The following GRK5 variants were observed in gnomAD, a reference collection of about 807,000 sequenced individuals.
The protein encoded by GRK5 is g protein-coupled receptor kinase GRK5.
A neutral mutation model predicts 78.4 loss-of-function variants in GRK5; 40 were observed. The ratio of observed to expected loss-of-function variants is 0.51; its 90% CI spans 0.40 to 0.66. The LOEUF is 0.66. GRK5 is among the 30% of genes least tolerant of loss of function. The probability of loss-of-function intolerance (pLI) is 0.00; values close to 1 mark genes in which losing one functional copy is unlikely to be tolerated. For synonymous variants in GRK5, 289 were observed against 296.8 expected, an observed-to-expected ratio of 0.97 and a Z score of 0.27; for missense variants, 598 against 759.9, an observed-to-expected ratio of 0.79 and a Z score of 2.50.
Position 119,412,420 on chromosome 10 carries a change from A to C in GRK5, c.340-10746A>C, listed in dbSNP as rs1018376429. Among the ~76,000 whole-genome samples the C allele has an allele frequency of 1.3e-5, 2 of 152,150 alleles. No individual in the cohort carries two copies. The highest frequency in any genetic ancestry group is 6.5e-5 in the Admixed American group (1 of 15,284). On this transcript the variant is annotated intron_variant, in intron 4 of 15. Transcript: ENST00000392870. The surrounding 1 kb of genome is among the most constrained non-coding windows in gnomAD (Gnocchi z 4.3). ...GGGCCGAGGGCTGCTGGATGTTGGC[A>C]TCAGGCCCAGGGTGGAGGGAGGGAC...
intron 6 of GRK5, among the ~76,000 whole-genome samples, chr10:119,428,357 C>T (rs1295896213): frequency 6.6e-6 from 1 of 152,228 alleles, no homozygotes; most frequent in Non-Finnish European, 1.5e-5. Flanking sequence ...ATTATAGAAG[C>T]CCCCATGTGT....
intron 1 of GRK5, among the ~76,000 whole-genome samples, chr10:119,243,870 C>A (rs1424793337): frequency 1.3e-5 from 2 of 152,188 alleles, no homozygotes; most frequent in East Asian, 3.8e-4. Flanking sequence ...ACTTCTCTGC[C>A]TGAGTGGTAG....
intron 1 of GRK5, among the ~76,000 whole-genome samples, chr10:119,255,697 G>T (rs955859830): frequency 5.3e-5 from 8 of 152,214 alleles, no homozygotes; most frequent in African/African-American, 1.2e-4. Context: ...CCCTGTCCTG[G>T]TGTGTTTTCT....
intron 2 of GRK5, among the ~76,000 whole-genome samples, chr10:119,357,818 C>T (rs1371405280): frequency 1.4e-5 from 2 of 145,408 alleles, no homozygotes; most frequent in East Asian, 4.5e-4. Context: ...TGGTCTTCTC[C>T]AACATTAGCC....
intron 1 of GRK5, among the ~76,000 whole-genome samples, chr10:119,322,196 C>T (rs1239885048): frequency 1.3e-5 from 2 of 152,148 alleles, no homozygotes; most frequent in Non-Finnish European, 2.9e-5. Context: ...CAAGCAATCC[C>T]CCCATCTTGG....
chr10:119,376,373 T>G (rs1851621020), intron 2 of GRK5, among the ~76,000 whole-genome samples: 1 of 152,132 alleles, frequency 6.6e-6, no homozygotes, highest in African/African-American at 2.4e-5. Context: ...CCCACCCACA[T>G]ATCCCCACGT....
chr10:119,225,444 C>A (rs574699156), intron 1 of GRK5, among the ~76,000 whole-genome samples: 2 of 152,096 alleles, frequency 1.3e-5, no homozygotes, highest in African/African-American at 4.8e-5. Flanking sequence ...GTATTACCTA[C>A]CTTTTAAGGC....
chr10:119,229,611 T>C (rs1266454625), intron 1 of GRK5, among the ~76,000 whole-genome samples: 1 of 152,226 alleles, frequency 6.6e-6, no homozygotes, highest in Non-Finnish European at 1.5e-5. Context: ...ATTCTGCTCT[T>C]CCTCTTCAGG....
chr10:119,247,689 C>T (rs533472343), intron 1 of GRK5, among the ~76,000 whole-genome samples: 2 of 152,282 alleles, frequency 1.3e-5, no homozygotes, highest in Non-Finnish European at 1.5e-5. Context: ...TGTCTTTGTC[C>T]TGCCATAATT....
chr10:119,373,569 A>C (rs184489164), intron 2 of GRK5, among the ~76,000 whole-genome samples: 138 of 152,332 alleles, frequency 9.1e-4, no homozygotes, highest in African/African-American at 3.3e-3. Context: ...CTGTGAGTCA[A>C]GTGAACCTCT....
At chr10:119,344,425 C>T (rs1429625262) in intron 2 of GRK5, among the ~76,000 whole-genome samples, 4 of 152,110 alleles carry the variant, frequency 2.6e-5, no homozygotes, top group African/African-American at 4.8e-5. Flanking sequence ...TGAGAACATG[C>T]GGTGTTTGGT....
chr10:119,372,093 G>A (rs1225969658), intron 2 of GRK5, among the ~76,000 whole-genome samples: 1 of 152,208 alleles, frequency 6.6e-6, no homozygotes, highest in Non-Finnish European at 1.5e-5. Flanking sequence ...TCACAGTTGT[G>A]ATAACACAAA....
chr10:119,425,333 TCTTA>T (rs1349081024), intron 6 of GRK5, among the ~76,000 whole-genome samples: 2 of 150,162 alleles, frequency 1.3e-5, no homozygotes, highest in African/African-American at 5.0e-5. Context: ...AGCATCTCGT[TCTTA>T]CTTTTTTTAC....
At chr10:119,375,111 A>G (rs1247019660) in intron 2 of GRK5, among the ~76,000 whole-genome samples, 1 of 151,916 alleles carries the variant, frequency 6.6e-6, no homozygotes, top group Non-Finnish European at 1.5e-5. Context: ...GTGACCTACC[A>G]CTTTCTGTCT....
intron 1 of GRK5, among the ~76,000 whole-genome samples, chr10:119,270,854 A>G (rs1849571792): frequency 6.6e-6 from 1 of 152,246 alleles, no homozygotes; most frequent in African/African-American, 2.4e-5. Flanking sequence ...AGTGCAAAGG[A>G]AAAAAACTCA....
At chr10:119,396,838 A>C in intron 4 of GRK5, 66 bp downstream of exon 4, 3 of 1,242,200 alleles carry the variant, frequency 2.4e-6, no homozygotes, top group Non-Finnish European at 3.6e-6. Context: ...AGGAGCCCCT[A>C]AGTCTGTGCC....
At chr10:119,449,104 G>A (rs80009432) in intron 13 of GRK5, among the ~76,000 whole-genome samples, 4,349 of 152,314 alleles carry the variant, frequency 0.029, 90 homozygotes, top group Non-Finnish European at 0.041. Context: ...TGCTGCAGGC[G>A]AATGACTGCA....
intron 1 of GRK5, among the ~76,000 whole-genome samples, chr10:119,289,603 G>A (rs1394414861): frequency 6.6e-6 from 1 of 152,224 alleles, no homozygotes; most frequent in African/African-American, 2.4e-5. Flanking sequence ...CAGCCACCTG[G>A]ATAGAGATGA....
At chr10:119,273,647 C>A (rs77138881) in intron 1 of GRK5, among the ~76,000 whole-genome samples, 4 of 152,176 alleles carry the variant, frequency 2.6e-5, no homozygotes, top group Non-Finnish European at 5.9e-5. Flanking sequence ...CATGGGTCAC[C>A]TACTTTGCAA....
Sources: allele counts gnomAD v4.1 joint callset (sites outside exome capture counted in the v4.1 genomes callset), GRCh38; gene constraint gnomAD v4.1.1; non-coding constraint Gnocchi (gnomAD v3.1); transcripts MANE v1.5; gene names NCBI Gene and HGNC (gene_info 2026-07-23, HGNC 2026-07-21).